HLCS: variants seen among roughly 807,000 people sequenced by gnomAD.
HLCS encodes holocarboxylase synthetase, also known as biotin--protein ligase.
Under a neutral mutation model 75.0 loss-of-function variants are expected in HLCS, and 53 were observed. The ratio of observed to expected loss-of-function variants is 0.71; its 90% CI spans 0.57 to 0.89. The LOEUF is 0.89. Among genes scored for constraint, HLCS ranks in the 40% least tolerant of loss-of-function variants. HLCS has a pLI of 0.00. For missense variants in HLCS, 966 were observed against 1,074.0 expected (o/e 0.90, Z 1.41); for synonymous variants, 431 against 428.6 (o/e 1.01, Z -0.07).
At chr21:36,951,617 A>C (rs191124676) in intron 2 of HLCS, among the ~76,000 whole-genome samples, 22 of 152,306 alleles carry the variant, frequency 1.4e-4, no homozygotes, top group African/African-American at 5.3e-4. Context: ...TGAATCTTTC[A>C]TCTCCATGTA....
chr21:36,847,514 A>C (rs2062838497), intron 6 of HLCS, among the ~76,000 whole-genome samples: 1 of 152,228 alleles, frequency 6.6e-6, no homozygotes. Context: ...ATTTTATATA[A>C]GGTAAGTAAT....
chr21:36,966,252 GT>G (rs2146689075), intron 1 of HLCS, among the ~76,000 whole-genome samples, 191 bp downstream of exon 1: 1 of 152,310 alleles, frequency 6.6e-6, no homozygotes, highest in African/African-American at 2.4e-5. Flanking sequence ...GACCGGGTCC[GT>G]GGTCCGAGTC....
Position 36,765,186 on chromosome 21 carries a change from C to A in HLCS, c.1961-14G>T. The A allele has an allele frequency of 6.2e-7, 1 of 1,614,130 alleles. No homozygotes were observed. The highest frequency in any genetic ancestry group is 8.5e-7 in the Non-Finnish European group (1 of 1,179,972). ...TCCCTCCCCGTCCTGGAACACAGGCCACAGTGGGAAACATGCTACCTTGCC... is the reference window on the plus strand; with the variant it reads ...TCCCTCCCCGTCCTGGAACACAGGCAACAGTGGGAAACATGCTACCTTGCC... On this transcript the variant is annotated splice_polypyrimidine_tract_variant and intron_variant, in intron 7 of 10. Coordinates refer to ENST00000674895, the MANE Select transcript of HLCS (RefSeq NM_001352514.2).
intron 6 of HLCS, among the ~76,000 whole-genome samples, chr21:36,802,057 T>C (rs2061221134): frequency 6.6e-6 from 1 of 152,208 alleles, no homozygotes; most frequent in Admixed American, 6.5e-5. Flanking sequence ...ACACTAACAG[T>C]AGCAAATAAT....
intron 6 of HLCS, among the ~76,000 whole-genome samples, chr21:36,851,489 C>T (rs1230113447): frequency 6.6e-6 from 1 of 152,024 alleles, no homozygotes; most frequent in Non-Finnish European, 1.5e-5. Context: ...AAACACTGAA[C>T]TCATGTTGAT....
chr21:36,989,577 C>T (rs557057622), intron 1 of HLCS, among the ~76,000 whole-genome samples: 1 of 152,260 alleles, frequency 6.6e-6, no homozygotes, highest in African/African-American at 2.4e-5. Flanking sequence ...GATCTGCCTG[C>T]CTCGGCCTCG....
intron 8 of HLCS, among the ~76,000 whole-genome samples, chr21:36,764,501 C>T (rs142609182): frequency 0.024 from 3,624 of 152,194 alleles, 68 homozygotes; most frequent in Middle Eastern, 0.034. Context: ...CTCAGGACTT[C>T]AAGACCAGCC....
chr21:36,778,991 G>A (rs1355890246), intron 6 of HLCS, among the ~76,000 whole-genome samples: 2 of 152,010 alleles, frequency 1.3e-5, no homozygotes, highest in Admixed American at 1.3e-4. Context: ...GGTGAAAAAC[G>A]GTCTTTTAAA....
At chr21:36,908,547 T>C (rs914120996) in intron 5 of HLCS, among the ~76,000 whole-genome samples, 1 of 152,200 alleles carries the variant, frequency 6.6e-6, no homozygotes, top group Non-Finnish European at 1.5e-5. Flanking sequence ...ACTTCTCATA[T>C]GACCGAGAAA....
At chr21:36,830,551 G>A (rs1351834676) in intron 6 of HLCS, among the ~76,000 whole-genome samples, 1 of 150,732 alleles carries the variant, frequency 6.6e-6, no homozygotes, top group African/African-American at 2.5e-5. Context: ...GTGGAGACAG[G>A]GGCCAGGTGC....
At chr21:36,885,187 C>A (rs988993720) in intron 6 of HLCS, among the ~76,000 whole-genome samples, 7 of 152,108 alleles carry the variant, frequency 4.6e-5, no homozygotes, top group African/African-American at 1.7e-4. Context: ...CTGTCGAAAT[C>A]TTCAAACAAA....
At chr21:36,911,439 A>C (rs1393846117) in intron 5 of HLCS, among the ~76,000 whole-genome samples, 1 of 152,152 alleles carries the variant, frequency 6.6e-6, no homozygotes, top group African/African-American at 2.4e-5. Context: ...CTATTTTGGT[A>C]GTTCCTCAAA....
intron 6 of HLCS, among the ~76,000 whole-genome samples, chr21:36,864,129 G>A (rs774148941): frequency 9.2e-5 from 14 of 152,332 alleles, no homozygotes; most frequent in Admixed American, 2.6e-4. Context: ...GCTGGGTTTC[G>A]TGGCTCATGC....
chr21:36,864,710 G>T (rs138263813), intron 6 of HLCS, among the ~76,000 whole-genome samples: 87 of 152,208 alleles, frequency 5.7e-4, no homozygotes, highest in African/African-American at 2.0e-3. Context: ...AAATCCATTG[G>T]AAATCCATCT....
At chr21:36,773,124 T>A (rs763790986) in intron 6 of HLCS, among the ~76,000 whole-genome samples, 1 of 152,234 alleles carries the variant, frequency 6.6e-6, no homozygotes, top group Non-Finnish European at 1.5e-5. Context: ...AATTTTCCAA[T>A]ATTTTTATAA....
intron 6 of HLCS, among the ~76,000 whole-genome samples, chr21:36,773,408 A>G (rs2060266281): frequency 6.6e-6 from 1 of 152,272 alleles, no homozygotes; most frequent in South Asian, 2.1e-4. Flanking sequence ...GCTGTACCTC[A>G]GACTGGCCTC....
At position 36,753,058 on chromosome 21, in the gene HLCS, G is replaced by A. The variant is rs3191054; in HGVS notation, c.*1188C>T. 1 of 152,690 alleles carries A rather than the reference G, an allele frequency of 6.5e-6. No homozygotes were observed. Among genetic ancestry groups the A allele is most frequent in the Non-Finnish European group, 1.5e-5 (1 of 68,048 alleles). 9.5% of individuals were successfully genotyped at this position (152,690 alleles called of 1,614,324 possible). On this transcript the variant is annotated 3_prime_UTR_variant, in exon 11 of 11. Transcript: ENST00000674895. The surrounding 1 kb of genome is among the most constrained non-coding windows in gnomAD (Gnocchi z 4.3). Reference sequence around the variant, plus strand: ...AAGGCATGGCGTACATCTGGGAATAGCGAATGCATATCAAAAGGCTTCATT... The same window carrying A: ...AAGGCATGGCGTACATCTGGGAATAACGAATGCATATCAAAAGGCTTCATT...
At chr21:36,802,027 C>G (rs563538224) in intron 6 of HLCS, among the ~76,000 whole-genome samples, 6 of 152,202 alleles carry the variant, frequency 3.9e-5, no homozygotes, top group African/African-American at 1.4e-4. Context: ...ATAAGGTATA[C>G]AAGAATACAA....
intron 1 of HLCS, among the ~76,000 whole-genome samples, chr21:36,977,441 T>C (rs28593435): frequency 0.37 from 56,247 of 152,130 alleles, 10,592 homozygotes; most frequent in Admixed American, 0.42. Context: ...ACTCCTAATA[T>C]GTTCATCATT....
Sources: allele counts gnomAD v4.1 joint callset (sites outside exome capture counted in the v4.1 genomes callset), GRCh38; gene constraint gnomAD v4.1.1; non-coding constraint Gnocchi (gnomAD v3.1); transcripts MANE v1.5; gene names NCBI Gene and HGNC (gene_info 2026-07-23, HGNC 2026-07-21).